Variants in SPAG16 observed in about 807,000 individuals in gnomAD.
The protein encoded by SPAG16 is sperm-associated antigen 16 protein.
SPAG16 carries 86 observed loss-of-function variants against 80.4 expected under a neutral mutation model. The ratio of observed to expected loss-of-function variants is 1.07; its 90% CI spans 0.90 to 1.28. SPAG16 has a LOEUF of 1.28. Among genes scored for constraint, SPAG16 ranks in the 50% most tolerant of loss-of-function variants. The pLI is 0.00. For synonymous variants in SPAG16, 294 were observed against 265.9 expected (o/e 1.11, Z -1.03); for missense variants, 870 against 765.3 (o/e 1.14, Z -1.61).
At chr2:213,586,017 G>A (rs768617005) in intron 10 of SPAG16, among the ~76,000 whole-genome samples, 10 of 151,948 alleles carry the variant, frequency 6.6e-5, no homozygotes, top group East Asian at 1.9e-4. Context: ...ATATACTGAC[G>A]TATACCATGC....
chr2:213,995,936 A>G (rs1187733931), intron 12 of SPAG16, among the ~76,000 whole-genome samples: 1 of 151,894 alleles, frequency 6.6e-6, no homozygotes, highest in African/African-American at 2.4e-5. Context: ...CCCCTTTCCT[A>G]CTCCAAGGGA....
chr2:213,403,709 C>A (rs1403477992), intron 9 of SPAG16, among the ~76,000 whole-genome samples: 1 of 152,102 alleles, frequency 6.6e-6, no homozygotes, highest in Non-Finnish European at 1.5e-5. Flanking sequence ...CTGGCCAGGG[C>A]AATCAGGCAG....
At chr2:213,545,426 T>A (rs2076580690) in intron 10 of SPAG16, among the ~76,000 whole-genome samples, 1 of 152,156 alleles carries the variant, frequency 6.6e-6, no homozygotes, top group Non-Finnish European at 1.5e-5. Flanking sequence ...CTGTTTTTAT[T>A]CTCTTGACAG....
At chr2:214,184,691 G>T (rs1488907016) in intron 15 of SPAG16, among the ~76,000 whole-genome samples, 1 of 152,044 alleles carries the variant, frequency 6.6e-6, no homozygotes, top group African/African-American at 2.4e-5. Context: ...AGCAGTTTTG[G>T]TTTCTTTTAA....
chr2:213,590,020 ATTC>A (rs750165267), intron 10 of SPAG16, among the ~76,000 whole-genome samples: 5 of 151,762 alleles, frequency 3.3e-5, no homozygotes, highest in Non-Finnish European at 7.4e-5. Flanking sequence ...ATTCCCTCCC[ATTC>A]TTCTTCAGTT....
Position 213,585,370 on chromosome 2 carries a change from A to G in SPAG16, c.1070+95280A>G, listed in dbSNP as rs112151900. Among the ~76,000 whole-genome samples the G allele has an allele frequency of 1.6e-3, 238 of 149,784 alleles. 3 individuals are homozygous for G. The highest frequency in any genetic ancestry group is 4.7e-3 in the African/African-American group (193 of 40,782). On this transcript the variant is annotated intron_variant, in intron 10 of 15. Transcript: ENST00000331683. ...TGGCTCACTGGAACCTCTGCCTCCT[A>G]GGTTCAAGCAATTCTTGTGCCTCAG...
At chr2:214,180,529 T>C (rs925123101) in intron 15 of SPAG16, among the ~76,000 whole-genome samples, 1 of 151,676 alleles carries the variant, frequency 6.6e-6, no homozygotes, top group Non-Finnish European at 1.5e-5. Context: ...TCCATCTTAT[T>C]TAATTACCAA....
At chr2:213,578,098 CA>C (rs201240536) in intron 10 of SPAG16, among the ~76,000 whole-genome samples, 10 of 150,644 alleles carry the variant, frequency 6.6e-5, no homozygotes, top group Admixed American at 1.3e-4. Context: ...TTTAAAACAT[CA>C]AAAAAAAATT....
At chr2:213,326,809 G>A (rs1328065386) in intron 5 of SPAG16, among the ~76,000 whole-genome samples, 2 of 151,798 alleles carry the variant, frequency 1.3e-5, no homozygotes, top group African/African-American at 4.8e-5. Flanking sequence ...ATTATTAAAT[G>A]ATCATTCAAA....
chr2:213,975,541 A>C (rs917295373), intron 12 of SPAG16, among the ~76,000 whole-genome samples: 1 of 151,964 alleles, frequency 6.6e-6, no homozygotes, highest in Non-Finnish European at 1.5e-5. Context: ...GAGTTCTCAA[A>C]TAAATACCCT....
intron 13 of SPAG16, among the ~76,000 whole-genome samples, chr2:214,087,741 A>C (rs534856385): frequency 2.6e-5 from 4 of 152,096 alleles, no homozygotes; most frequent in Non-Finnish European, 5.9e-5. Flanking sequence ...TGGGAGTCAA[A>C]AATTACAGCA....
In SPAG16 at chr2:213,979,202, T is replaced by A. The variant is rs2045568788; in HGVS notation, c.1401-34749T>A. On this transcript the variant is annotated intron_variant, in intron 12 of 15. Transcript: ENST00000331683. ...TAGGAGTCTCTTGGAGGCTGACTAC[T>A]ACACTACAACTTCTGGCCTCCAATT... Among the ~76,000 whole-genome samples, 3 of 152,050 alleles carry A rather than the reference T, an allele frequency of 2.0e-5. No homozygotes were observed. The South Asian group carries it at 6.2e-4, about 32-fold the overall frequency.
intron 9 of SPAG16, among the ~76,000 whole-genome samples, chr2:213,430,379 GC>G (rs1216085243): frequency 6.6e-6 from 1 of 152,176 alleles, no homozygotes; most frequent in Non-Finnish European, 1.5e-5. Flanking sequence ...CTAACCTGTG[GC>G]CCATGGGCTG....
chr2:213,852,819 T>C (rs1021501371), intron 10 of SPAG16, among the ~76,000 whole-genome samples: 9 of 152,230 alleles, frequency 5.9e-5, no homozygotes, highest in African/African-American at 2.2e-4. Context: ...CTGAGGGTGA[T>C]GCCTCTGTAT....
intron 10 of SPAG16, among the ~76,000 whole-genome samples, chr2:213,513,680 A>C (rs879476913): frequency 7.9e-5 from 12 of 152,202 alleles, no homozygotes; most frequent in African/African-American, 2.9e-4. Flanking sequence ...AAGACTGGAC[A>C]ATGTGTGCTA....
intron 15 of SPAG16, among the ~76,000 whole-genome samples, chr2:214,169,283 C>A (rs2056786428): frequency 6.6e-6 from 1 of 151,928 alleles, no homozygotes. Flanking sequence ...CACTTTAACT[C>A]CCCATTTTGT....
chr2:214,142,014 CAT>C (rs1333993109), intron 14 of SPAG16, among the ~76,000 whole-genome samples: 1 of 152,134 alleles, frequency 6.6e-6, no homozygotes, highest in Non-Finnish European at 1.5e-5. Flanking sequence ...GCTTATAAAA[CAT>C]ATATTGGAAT....
intron 10 of SPAG16, among the ~76,000 whole-genome samples, chr2:213,713,286 G>A (rs746978820): frequency 1.1e-4 from 16 of 152,178 alleles, no homozygotes; most frequent in Non-Finnish European, 1.8e-4. Context: ...TGAGGCAGGG[G>A]ATGGGCCATA....
At chr2:213,696,565 GA>G (rs2065160942) in intron 10 of SPAG16, among the ~76,000 whole-genome samples, 1 of 152,132 alleles carries the variant, frequency 6.6e-6, no homozygotes, top group Non-Finnish European at 1.5e-5. Flanking sequence ...CAAGATAGGT[GA>G]AAAGACAAGG....
Sources: allele counts gnomAD v4.1 joint callset (sites outside exome capture counted in the v4.1 genomes callset), GRCh38; gene constraint gnomAD v4.1.1; transcripts MANE v1.5; gene names NCBI Gene and HGNC (gene_info 2026-07-23, HGNC 2026-07-21).